The following NMT1 variants were observed in gnomAD, a reference collection of about 807,000 sequenced individuals.
NMT1 encodes the protein glycylpeptide N-tetradecanoyltransferase 1.
A neutral mutation model predicts 63.4 loss-of-function variants in NMT1; 12 were observed. That is an observed-to-expected ratio of 0.19 (90% confidence interval 0.12 to 0.31). NMT1 has a LOEUF of 0.31. Among genes scored for constraint, NMT1 ranks in the 10% least tolerant of loss-of-function variants. The pLI is 1.00. For synonymous variants in NMT1, 228 were observed against 234.3 expected (o/e 0.97, Z 0.25); for missense variants, 432 against 634.6 (o/e 0.68, Z 3.43).
At chr17:45,091,187 GAC>G (rs3062356) in intron 3 of NMT1, among the ~76,000 whole-genome samples, 20,771 of 120,820 alleles carry the variant, frequency 0.17, 1,752 homozygotes, top group East Asian at 0.21. Context: ...GGTCTTTCCT[GAC>G]ACACACACAC....
Position 45,105,502 on chromosome 17 carries a change from C to T in NMT1, c.1471-117C>T, listed in dbSNP as rs2054196866. On this transcript the variant is annotated intron_variant, in intron 11 of 11. Transcript: ENST00000258960. This position sits in a 1 kb window ranked among gnomAD's most constrained non-coding sequence, Gnocchi z 4.2. ...GGGCCGGCTGGGTGTGAGTCTGCTC[C>T]CACAGCACAGGCGGTGGACCCGGGC... 8.8e-7 allele frequency: 1 copy of T among 1,133,138 alleles called. No homozygotes were observed. Among genetic ancestry groups the T allele is most frequent in the Non-Finnish European group, 1.3e-6 (1 of 754,258 alleles). The allele number at this position is 1,133,138 out of a possible 1,614,324, so 70.2% of individuals were successfully genotyped here. A position where few individuals can be genotyped will look rare whatever the true frequency, so the allele number is the denominator to read the frequency against.
intron 2 of NMT1, among the ~76,000 whole-genome samples, chr17:45,085,973 C>T (rs181828983): frequency 2.0e-5 from 3 of 152,038 alleles, no homozygotes; most frequent in Admixed American, 6.6e-5. Flanking sequence ...AGGGACACGC[C>T]GCCATGCCTG....
At chr17:45,100,092 T>C (rs1372819217) in intron 8 of NMT1, among the ~76,000 whole-genome samples, 1 of 148,600 alleles carries the variant, frequency 6.7e-6, no homozygotes, top group East Asian at 2.0e-4. Flanking sequence ...GTAGGGATTC[T>C]TTTTTTTTTG....
intron 1 of NMT1, among the ~76,000 whole-genome samples, chr17:45,076,750 C>CAA (rs796462258): frequency 1.5e-5 from 2 of 132,388 alleles, no homozygotes; most frequent in Non-Finnish European, 3.2e-5. Flanking sequence ...AACTCTGTCT[C>CAA]AAAAAAAAAA....
intron 1 of NMT1, among the ~76,000 whole-genome samples, chr17:45,069,269 T>TA (rs1327099800): frequency 6.0e-5 from 8 of 133,440 alleles, no homozygotes; most frequent in Non-Finnish European, 1.2e-4. Flanking sequence ...AGACTTTATT[T>TA]TTTATTATTT....
At chr17:45,095,026 TG>T (rs1456715490) in intron 4 of NMT1, among the ~76,000 whole-genome samples, 2 of 151,596 alleles carry the variant, frequency 1.3e-5, no homozygotes, top group African/African-American at 4.9e-5. Context: ...TTGGCCAGTC[TG>T]GTCTCGAACT....
Position 45,105,421 on chromosome 17 carries a change from A to G in NMT1, c.1471-198A>G, listed in dbSNP as rs974221219. Among the ~76,000 whole-genome samples, 6 of 152,104 alleles carry G rather than the reference A, an allele frequency of 3.9e-5. No individual in the cohort carries two copies. Among genetic ancestry groups the G allele is most frequent in the Admixed American group, 6.5e-5 (1 of 15,276 alleles). On this transcript the variant is annotated intron_variant, in intron 11 of 11. Transcript: ENST00000258960. This position sits in a 1 kb window ranked among gnomAD's most constrained non-coding sequence, Gnocchi z 4.2. Reference sequence around the variant, plus strand: ...ATAGGGGTGAGCTGGAGCGTGGGCCAGTTTTCCCTGGGAGGTCTGATGGAC... The same window carrying G: ...ATAGGGGTGAGCTGGAGCGTGGGCCGGTTTTCCCTGGGAGGTCTGATGGAC...
intron 1 of NMT1, among the ~76,000 whole-genome samples, chr17:45,077,315 G>A (rs2053984690): frequency 6.6e-6 from 1 of 152,174 alleles, no homozygotes; most frequent in African/African-American, 2.4e-5. Flanking sequence ...TCCATAAGCT[G>A]TTATGAATAA....
chr17:45,061,478 G>A lies in NMT1; in HGVS notation c.131+18G>A. On this transcript the variant is annotated intron_variant, in intron 1 of 11. Coordinates refer to ENST00000258960, the MANE Select transcript of NMT1 (RefSeq NM_021079.5). ...AACCGGGGGTAACGAAATCCTCGGA[G>A]TCCAATTCCCGTCCAGCCTCCCACA... 6.2e-7 allele frequency: 1 copy of A among 1,608,838 alleles called. No homozygotes were observed. Among genetic ancestry groups the A allele is most frequent in the East Asian group, 2.2e-5 (1 of 44,718 alleles).
rs2054147132 is a variant in NMT1, at chr17:45,099,459, C to G, written c.939C>G (p.His313Gln). The change falls in exon 8 of 12, where the codon CAC (histidine) becomes CAG (glutamine). Residue 313 changes from histidine (H) to glutamine (Q), a missense_variant. His to Gln is a conservative substitution (Grantham distance 24). Coordinates refer to ENST00000258960, the MANE Select transcript of NMT1 (RefSeq NM_021079.5). The stretch of plus-strand genomic sequence containing the variant: ...AGCTGATTGAAGTGAAGTTCTCCCA[C>G]CTGAGCAGAAATATGACCATGCAGC... ...PRKLIEVKFS[H>Q]LSRNMTMQRT... 2 of 1,614,164 alleles carry G rather than the reference C, an allele frequency of 1.2e-6. No homozygotes were observed.
At chr17:45,100,852 G>C (rs530221772) in intron 8 of NMT1, among the ~76,000 whole-genome samples, 3 of 77,240 alleles carry the variant, frequency 3.9e-5, no homozygotes. Context: ...AACAGAGCAA[G>C]ACTCCGTCTC....
At chr17:45,097,556 A>G (rs1442256488) in intron 6 of NMT1, among the ~76,000 whole-genome samples, 2 of 151,978 alleles carry the variant, frequency 1.3e-5, no homozygotes, top group African/African-American at 2.4e-5. Flanking sequence ...AGGTCTTGCT[A>G]TGTTGCCCAC....
chr17:45,103,843 C>A lies in NMT1; in HGVS notation c.1299C>A (p.Asp433Glu), dbSNP rs2143524654. The A allele has an allele frequency of 6.2e-7, 1 of 1,614,150 alleles. No homozygotes were observed. The highest frequency in any genetic ancestry group is 2.2e-5 in the East Asian group (1 of 44,872). Reference sequence around the variant, plus strand: ...TTCACACCCAGACCCCTCTTCTAGACCTCATGAGCGACGCCCTTGTCCTCG... The same window carrying A: ...TTCACACCCAGACCCCTCTTCTAGAACTCATGAGCGACGCCCTTGTCCTCG... ...YNVHTQTPLL[D>E]LMSDALVLAK... Residue 433 changes from aspartate to glutamate, a missense_variant, in exon 10 of 12, where the codon GAC (aspartate) becomes GAA (glutamate). Coordinates refer to ENST00000258960, the MANE Select transcript of NMT1 (RefSeq NM_021079.5). This position sits in a 1 kb window ranked among gnomAD's most constrained non-coding sequence, Gnocchi z 4.8.
At position 45,086,505 on chromosome 17, in the gene NMT1, C is replaced by T. The variant is rs1436947883; in HGVS notation, c.241-3C>T. ...TTTTTCTCCCCAACTTTGTCTTGTC[C>T]AGATGAACTCTTTGCCAGCAGAGAG... On this transcript the variant is annotated splice_polypyrimidine_tract_variant and splice_region_variant and intron_variant, in intron 2 of 11. Transcript: ENST00000258960. The T allele has an allele frequency of 2.5e-6, 4 of 1,604,724 alleles. No individual in the cohort carries two copies. The highest frequency in any genetic ancestry group is 1.7e-5 in the Admixed American group (1 of 57,632).
chr17:45,072,068 A>G (rs947076154), intron 1 of NMT1, among the ~76,000 whole-genome samples: 7 of 152,146 alleles, frequency 4.6e-5, no homozygotes, highest in Non-Finnish European at 7.4e-5. Flanking sequence ...CCTGGGCAAC[A>G]TAGAGAAACT....
chr17:45,077,704 T>A (rs553994366), intron 1 of NMT1, among the ~76,000 whole-genome samples: 12 of 152,326 alleles, frequency 7.9e-5, no homozygotes, highest in African/African-American at 2.9e-4. Context: ...AGCCAGTTTT[T>A]AAATCTTATA....
At chr17:45,096,986 G>T in intron 5 of NMT1, 142 bp from the exon 6 acceptor site, 1 of 685,784 alleles carries the variant, frequency 1.5e-6, no homozygotes, top group South Asian at 1.6e-5. Flanking sequence ...GTGTCCAGGA[G>T]GGCTTGGCCC....
Position 45,104,487 on chromosome 17 carries a change from A to G in NMT1, c.1333-372A>G. ...CATCCATGGAGTAAGGAAGCAACAC[A>G]AACCCCATGTAGCTGACCAGAGCCA... On this transcript the variant is annotated intron_variant, in intron 10 of 11. Transcript: ENST00000258960. This position sits in a 1 kb window ranked among gnomAD's most constrained non-coding sequence, Gnocchi z 4.2. 9.1e-7 allele frequency: 1 copy of G among 1,104,378 alleles called. No homozygotes were observed. The highest frequency in any genetic ancestry group is 1.1e-6 in the Non-Finnish European group (1 of 902,154). The allele number at this position is 1,104,378 out of a possible 1,614,324, so 68.4% of individuals were successfully genotyped here.
intron 1 of NMT1, among the ~76,000 whole-genome samples, chr17:45,079,724 G>A (rs8066411): frequency 0.4 from 61,112 of 152,002 alleles, 12,939 homozygotes; most frequent in African/African-American, 0.44. Flanking sequence ...TTTTGAGACG[G>A]AGTCTCGCTC....
Sources: allele counts gnomAD v4.1 joint callset (sites outside exome capture counted in the v4.1 genomes callset), GRCh38; gene constraint gnomAD v4.1.1; non-coding constraint Gnocchi (gnomAD v3.1); transcripts MANE v1.5; gene names NCBI Gene and HGNC (gene_info 2026-07-23, HGNC 2026-07-21).